The following FBXO6 variants were observed in gnomAD, a reference collection of about 807,000 sequenced individuals.
FBXO6 encodes the protein F-box protein 6.
In FBXO6, 13 loss-of-function variants were observed where a neutral mutation model predicts 25.0. That is an observed-to-expected ratio of 0.52 (90% CI 0.34 to 0.83). The LOEUF is 0.83. Ranked by LOEUF, FBXO6 falls within the 40% of genes least tolerant of loss-of-function variation. The pLI, the probability that FBXO6 is intolerant of heterozygous loss-of-function variation, is 0.02. For missense variants in FBXO6, 370 were observed against 380.2 expected, an observed-to-expected ratio of 0.97 and a Z score of 0.22; for synonymous variants, 138 against 155.3, an observed-to-expected ratio of 0.89 and a Z score of 0.83.
At chr1:11,672,152 C>T in intron 4 of FBXO6, 129 bp downstream of exon 4, 1 of 789,854 alleles carries the variant, frequency 1.3e-6, no homozygotes. Flanking sequence ...TAGCCCCGGC[C>T]TCCGCCCCTG....
chr1:11,674,236 A>G lies in FBXO6; in HGVS notation c.*385A>G, dbSNP rs1140272. On this transcript the variant is annotated 3_prime_UTR_variant, in exon 6 of 6. Coordinates refer to ENST00000376753, the MANE Select transcript of FBXO6 (RefSeq NM_018438.6). This position sits in a 1 kb window ranked among gnomAD's most constrained non-coding sequence, Gnocchi z 6.1. The stretch of plus-strand genomic sequence containing the variant: ...GAAGAATGGCGTGAACCCGGAAGGC[A>G]GAGCTTGCAGTGAGCCGAGATCACG... The G allele has an allele frequency of 0.4, 84,370 of 212,118 alleles. 22,470 individuals are homozygous for G. The highest frequency in any genetic ancestry group is 0.82 in the African/African-American group (36,284 of 44,088). 13.1% of individuals were successfully genotyped at this position (212,118 alleles called of 1,614,324 possible).
In FBXO6 at chr1:11,671,847, CAG is replaced by C. The variant is rs889198734; in HGVS notation, c.414-80_414-79del. On this transcript the variant is annotated intron_variant, in intron 3 of 5. Coordinates refer to ENST00000376753, the MANE Select transcript of FBXO6 (RefSeq NM_018438.6). ...TCCCCAAACCACCTCCCTGGGCTCA[CAG>C]GGGCTGCCAAGGCCTGGGTGAGGGG... 20 of 1,295,414 alleles carry C rather than the reference CAG, an allele frequency of 1.5e-5. No individual in the cohort carries two copies. In the African/African-American group the frequency reaches 2.5e-4, roughly 16 times the overall value. The allele number at this position is 1,295,414 out of a possible 1,614,324, so 80.2% of individuals were successfully genotyped here.
At position 11,668,876 on chromosome 1, in the gene FBXO6, C is replaced by G; in HGVS notation, c.218C>G (p.Ala73Gly). The change falls in exon 2 of 6, where the codon GCC (alanine) becomes GGC (glycine). Residue 73 changes from alanine (A) to glycine (G), a missense_variant. Ala to Gly is a moderately conservative substitution (Grantham distance 60). Coordinates refer to ENST00000376753, the MANE Select transcript of FBXO6 (RefSeq NM_018438.6). ...ACCAAGGACTGGGACCAGCCCGTGG[C>G]CGACTGGAAAATCTTCTACTTCCTA... is the stretch of plus-strand genomic sequence containing the variant. Reference protein sequence around the residue: ...FITKDWDQPVADWKIFYFLRS... With the variant: ...FITKDWDQPVGDWKIFYFLRS... 6.2e-7 allele frequency: 1 copy of G among 1,614,148 alleles called. No individual in the cohort carries two copies. The highest frequency in any genetic ancestry group is 1.1e-5 in the South Asian group (1 of 91,080).
intron 2 of FBXO6, among the ~76,000 whole-genome samples, chr1:11,669,788 C>G (rs986690866): frequency 6.7e-6 from 1 of 149,724 alleles, no homozygotes; most frequent in African/African-American, 2.5e-5. Flanking sequence ...AGGCGCCCAC[C>G]ACCATGCCCA....
At chr1:11,667,277 G>C (rs1398952811) in intron 1 of FBXO6, among the ~76,000 whole-genome samples, 1 of 152,078 alleles carries the variant, frequency 6.6e-6, no homozygotes, top group Non-Finnish European at 1.5e-5. Flanking sequence ...CCTGGCTGCC[G>C]GCCAACCCCC....
Position 11,664,250 on chromosome 1 carries a change from T to TC in FBXO6, c.-6dup, listed in dbSNP as rs1640331918. ...GCAGCGAGGGCCCGGGCCCTGGGGA[T>TC]CCCAGGTTCGTCTTCCCGCGGCGAG... On this transcript the variant is annotated 5_prime_UTR_variant, in exon 1 of 6. Transcript: ENST00000376753. 6.7e-6 allele frequency: 1 copy of TC among 149,958 alleles called. No homozygotes were observed. Among genetic ancestry groups the TC allele is most frequent in the South Asian group, 2.1e-4 (1 of 4,708 alleles). The allele number at this position is 149,958 out of a possible 1,614,324, so 9.3% of individuals were successfully genotyped here.
At chr1:11,671,527 CAG>C (rs543613110) in intron 3 of FBXO6, 135 bp downstream of exon 3, 565 of 1,237,640 alleles carry the variant, frequency 4.6e-4, no homozygotes, top group Admixed American at 1.6e-3. Flanking sequence ...AAAACTTGCC[CAG>C]AGTCACTGCT....
intron 2 of FBXO6, 135 bp downstream of exon 2, chr1:11,669,079 C>T (rs1640532299): frequency 3.3e-6 from 4 of 1,219,468 alleles, no homozygotes; most frequent in Non-Finnish European, 4.5e-6. Context: ...GGTTCCTTCT[C>T]ATTCTTCAGG....
At chr1:11,668,402 T>G (rs926113425) in intron 1 of FBXO6, among the ~76,000 whole-genome samples, 2 of 53,360 alleles carry the variant, frequency 3.7e-5, no homozygotes, top group Non-Finnish European at 5.9e-5. Context: ...CTTTTGTGGG[T>G]TTTTTTTTTT....
In FBXO6 at chr1:11,673,643, G is replaced by C. The variant is rs143818321; in HGVS notation, c.674G>C (p.Arg225Pro). ...EVSYTFSDYP[R>P]GVRYILFQHG... ...TCCTACACCTTCTCAGACTACCCCC[G>C]GGGTGTCCGCTACATCCTCTTCCAG... The change falls in exon 6 of 6, where the codon CGG (arginine) becomes CCG (proline). Residue 225 changes from arginine (R) to proline (P), a missense_variant. Arg to Pro is a moderately radical substitution (Grantham distance 103). Coordinates refer to ENST00000376753, the MANE Select transcript of FBXO6 (RefSeq NM_018438.6). The surrounding 1 kb of genome is among the most constrained non-coding windows in gnomAD (Gnocchi z 4.3). 5.0e-6 allele frequency: 8 copies of C among 1,613,982 alleles called. No individual in the cohort carries two copies. The highest frequency in any genetic ancestry group is 5.1e-6 in the Non-Finnish European group (6 of 1,179,990).
Position 11,671,321 on chromosome 1 carries a change from G to C in FBXO6, c.342G>C (p.Glu114Asp), listed in dbSNP as rs138267565. Residue 114 changes from glutamate (E) to aspartate (D), a missense_variant, in exon 3 of 6, where the codon GAG (glutamate) becomes GAC (aspartate). Coordinates refer to ENST00000376753, the MANE Select transcript of FBXO6 (RefSeq NM_018438.6). Reference protein sequence around the residue: ...DFNGGDRWKVESLPGAHGTDF... With the variant: ...DFNGGDRWKVDSLPGAHGTDF... ...ATGGTGGGGACCGCTGGAAGGTGGA[G>C]AGCCTCCCTGGAGCCCACGGGACAG... The C allele has an allele frequency of 7.4e-6, 12 of 1,614,140 alleles. No homozygotes were observed. Among genetic ancestry groups the C allele is most frequent in the Non-Finnish European group, 8.5e-6 (10 of 1,180,010 alleles).
rs535852521 is a variant in FBXO6 at position 11,674,043 on chromosome 1, G to A, written c.*192G>A. The A allele has an allele frequency of 4.3e-5, 25 of 580,134 alleles. No individual in the cohort carries two copies. The highest frequency in any genetic ancestry group is 4.6e-4 in the Middle Eastern group (1 of 2,180). The allele number at this position is 580,134 out of a possible 1,614,324, so 35.9% of individuals were successfully genotyped here. ...TTTCAGGCCGGGCACTGTGGCTCAC[G>A]CCTGTAATCCCAGCACTTTGGGAGA... On this transcript the variant is annotated 3_prime_UTR_variant, in exon 6 of 6. Transcript: ENST00000376753. The surrounding 1 kb of genome is among the most constrained non-coding windows in gnomAD (Gnocchi z 6.1).
rs1356619859 is a variant in FBXO6 at position 11,673,030 on chromosome 1, C to G, written c.510-247C>G. On this transcript the variant is annotated intron_variant, in intron 4 of 5. Transcript: ENST00000376753. The surrounding 1 kb of genome is among the most constrained non-coding windows in gnomAD (Gnocchi z 4.3). Reference sequence around the variant, plus strand: ...GGTCTTTTGATTTTTGAGGTCATATCTTTAGTAGGATGCCCAAAAGGGTCC... The same window carrying G: ...GGTCTTTTGATTTTTGAGGTCATATGTTTAGTAGGATGCCCAAAAGGGTCC... 6.6e-6 allele frequency among the ~76,000 whole-genome samples: 1 copy of G among 152,166 alleles called. No individual in the cohort carries two copies. Among genetic ancestry groups the G allele is most frequent in the Non-Finnish European group, 1.5e-5 (1 of 68,026 alleles).
Position 11,673,552 on chromosome 1 carries a change from A to T in FBXO6, c.646-63A>T. On this transcript the variant is annotated intron_variant, in intron 5 of 5. Transcript: ENST00000376753. This position sits in a 1 kb window ranked among gnomAD's most constrained non-coding sequence, Gnocchi z 4.3. ...CCAGCCTGGGCAGCTCTCTTAGAGGACCTGGCTCCTGCCTTCCCCTCCCCC... is the reference window on the plus strand; with the variant it reads ...CCAGCCTGGGCAGCTCTCTTAGAGGTCCTGGCTCCTGCCTTCCCCTCCCCC... The T allele has an allele frequency of 5.7e-6, 9 of 1,574,456 alleles. No homozygotes were observed. The highest frequency in any genetic ancestry group is 7.8e-6 in the Non-Finnish European group (9 of 1,153,330).
chr1:11,671,494 C>T (rs1158508782), intron 3 of FBXO6, 102 bp downstream of exon 3: 5 of 1,518,966 alleles, frequency 3.3e-6, no homozygotes, highest in East Asian at 2.3e-5. Flanking sequence ...GTCCTCTCTG[C>T]GAAGCTCGAG....
At position 11,673,369 on chromosome 1, in the gene FBXO6, C is replaced by G. The variant is rs28924122; in HGVS notation, c.602C>G (p.Pro201Arg). Residue 201 changes from proline (P) to arginine (R), a missense_variant, in exon 5 of 6, where the codon CCA becomes CGA. Transcript: ENST00000376753. This position sits in a 1 kb window ranked among gnomAD's most constrained non-coding sequence, Gnocchi z 4.3. ...TTCGTGTTGGCCTCCTTCGAGCCCC[C>G]ACCTGTGACCATCCAACAGTGGAAC... ...DYFVLASFEPPPVTIQQWNNA... is the reference protein window; with the variant it reads ...DYFVLASFEPRPVTIQQWNNA... The G allele has an allele frequency of 7.7e-5, 124 of 1,614,092 alleles. No individual in the cohort carries two copies. The highest frequency in any genetic ancestry group is 1.0e-4 in the Non-Finnish European group (118 of 1,180,032).
In FBXO6 at chr1:11,673,710, GC is replaced by G. The variant is rs1640694825; in HGVS notation, c.745del (p.Arg249GlufsTer13). On this transcript the variant is annotated frameshift_variant, in exon 6 of 6. Coordinates refer to ENST00000376753, the MANE Select transcript of FBXO6 (RefSeq NM_018438.6). LOFTEE classifies it low-confidence loss of function (END_TRUNC). The surrounding 1 kb of genome is among the most constrained non-coding windows in gnomAD (Gnocchi z 4.3). ...CCCAGTACTGGGCAGGCTGGTATGG[GC>G]CCCGAGTCACCAACAGCAGCATTGT... is the stretch of plus-strand genomic sequence containing the variant. ...DTQYWAGWYG[P>X]RVTNSSIVVS... 6.2e-7 allele frequency: 1 copy of G among 1,613,956 alleles called. No individual in the cohort carries two copies. Among genetic ancestry groups the G allele is most frequent in the African/African-American group, 1.3e-5 (1 of 74,918 alleles).
intron 2 of FBXO6, among the ~76,000 whole-genome samples, chr1:11,670,842 C>A (rs948478459): frequency 6.6e-6 from 1 of 152,178 alleles, no homozygotes; most frequent in Non-Finnish European, 1.5e-5. Flanking sequence ...AGAGTTCCAC[C>A]GCAACATGGA....
intron 3 of FBXO6, 129 bp downstream of exon 3, chr1:11,671,521 C>A: frequency 7.4e-7 from 1 of 1,343,942 alleles, no homozygotes; most frequent in Non-Finnish European, 1.0e-6. Context: ...GGCCCCAAAA[C>A]TTGCCCAGAG....
Sources: allele counts gnomAD v4.1 joint callset (sites outside exome capture counted in the v4.1 genomes callset), GRCh38; gene constraint gnomAD v4.1.1; non-coding constraint Gnocchi (gnomAD v3.1); transcripts MANE v1.5; gene names NCBI Gene and HGNC (gene_info 2026-07-23, HGNC 2026-07-21).